The following CCSER1 variants were observed in gnomAD, a reference collection of about 807,000 sequenced individuals.
The protein encoded by CCSER1 is serine-rich coiled-coil domain-containing protein 1.
A neutral mutation model predicts 82.0 loss-of-function variants in CCSER1; 41 were observed. The observed-to-expected ratio is 0.50, with a 90% CI of 0.39 to 0.65. CCSER1 has a LOEUF of 0.65. Ranked by LOEUF, CCSER1 falls within the 30% of genes least tolerant of loss-of-function variation. CCSER1 has a pLI of 0.00. For synonymous variants in CCSER1, 414 were observed against 383.9 expected, an observed-to-expected ratio of 1.08 and a Z score of -0.92; for missense variants, 1,119 against 1,064.2, an observed-to-expected ratio of 1.05 and a Z score of -0.72.
intron 1 of CCSER1, among the ~76,000 whole-genome samples, chr4:90,140,109 T>G (rs560515354): frequency 5.6e-4 from 86 of 152,336 alleles, no homozygotes; most frequent in African/African-American, 2.0e-3. Flanking sequence ...TCATCATTAA[T>G]TGCATTGATT....
intron 1 of CCSER1, among the ~76,000 whole-genome samples, chr4:90,289,037 C>T (rs181249117): frequency 1.6e-4 from 25 of 151,996 alleles, no homozygotes; most frequent in African/African-American, 5.8e-4. Flanking sequence ...CTCCTCTCCT[C>T]CTCTCTCCCT....
At chr4:90,339,986 TAGA>T (rs1178423941) in intron 3 of CCSER1, among the ~76,000 whole-genome samples, 4 of 151,858 alleles carry the variant, frequency 2.6e-5, no homozygotes, top group African/African-American at 9.7e-5. Flanking sequence ...ATTAAGCAAA[TAGA>T]AGAAAGAAAA....
intron 10 of CCSER1, among the ~76,000 whole-genome samples, chr4:91,203,487 A>C (rs1014589764): frequency 1.8e-4 from 27 of 151,522 alleles, no homozygotes; most frequent in African/African-American, 5.8e-4. Context: ...GTTATATTCT[A>C]GAGGAATTAG....
At position 90,837,277 on chromosome 4, in the gene CCSER1, A is replaced by T. The variant is rs954530974; in HGVS notation, c.2094+21432A>T. On this transcript the variant is annotated intron_variant, in intron 8 of 10. Transcript: ENST00000509176. ...TTTTAACAAAGTTAACAAAAAACAAAATATATGGGCACTAAGAGGCACTCT... is the reference window on the plus strand; with the variant it reads ...TTTTAACAAAGTTAACAAAAAACAATATATATGGGCACTAAGAGGCACTCT... Among the ~76,000 whole-genome samples the T allele has an allele frequency of 9.8e-5, 15 of 152,302 alleles. No homozygotes were observed. The South Asian group carries it at 3.1e-3, about 32-fold the overall frequency.
At chr4:91,112,659 G>A (rs1168768628) in intron 10 of CCSER1, 1 of 152,020 alleles carries the variant, frequency 6.6e-6, no homozygotes, top group South Asian at 2.1e-4. Context: ...TTCAATCTCA[G>A]TTTTATTTCT....
At chr4:90,936,157 C>CAG (rs138310148) in intron 9 of CCSER1, among the ~76,000 whole-genome samples, 47,343 of 151,586 alleles carry the variant, frequency 0.31, 7,762 homozygotes, top group Non-Finnish European at 0.35. Flanking sequence ...TTTGTGGAAA[C>CAG]AGAATTTAAT....
At chr4:90,419,857 C>G (rs994016708) in intron 4 of CCSER1, among the ~76,000 whole-genome samples, 3 of 151,882 alleles carry the variant, frequency 2.0e-5, no homozygotes, top group Non-Finnish European at 2.9e-5. Context: ...TCTTCATATG[C>G]TTTAACTATC....
intron 10 of CCSER1, among the ~76,000 whole-genome samples, chr4:91,419,427 C>T (rs1307044311): frequency 6.6e-6 from 1 of 151,836 alleles, no homozygotes; most frequent in East Asian, 1.9e-4. Flanking sequence ...CAATGAGCCA[C>T]CTGAAAAAGA....
chr4:90,938,680 T>C (rs1164312542), intron 9 of CCSER1: 3 of 388,736 alleles, frequency 7.7e-6, no homozygotes, highest in Admixed American at 2.7e-5. Context: ...TTCAAGGCCC[T>C]GTGGAATCCT....
At chr4:90,953,733 T>C (rs866296285) in intron 9 of CCSER1, among the ~76,000 whole-genome samples, 64 of 152,040 alleles carry the variant, frequency 4.2e-4, no homozygotes, top group African/African-American at 1.5e-3. Context: ...GTATAGAGAA[T>C]TTTGTATTGA....
intron 10 of CCSER1, among the ~76,000 whole-genome samples, chr4:91,427,333 G>A (rs1475483735): frequency 2.0e-4 from 30 of 152,090 alleles, no homozygotes; most frequent in Admixed American, 2.0e-3. Flanking sequence ...CTCAAAGTGT[G>A]ATTCATGTAA....
chr4:90,578,607 A>G (rs1334443410), intron 5 of CCSER1, among the ~76,000 whole-genome samples: 1 of 152,172 alleles, frequency 6.6e-6, no homozygotes, highest in Non-Finnish European at 1.5e-5. Context: ...GACCTCTCCA[A>G]TATCCAGAAT....
chr4:90,722,251 A>C (rs1171383363), intron 6 of CCSER1, among the ~76,000 whole-genome samples: 1 of 151,862 alleles, frequency 6.6e-6, no homozygotes, highest in Non-Finnish European at 1.5e-5. Context: ...TAAGCTATGC[A>C]GGCTGTCCAT....
At chr4:90,587,217 C>T (rs1320613495) in intron 5 of CCSER1, among the ~76,000 whole-genome samples, 5 of 152,202 alleles carry the variant, frequency 3.3e-5, no homozygotes, top group Non-Finnish European at 7.3e-5. Context: ...ACCAGTGAGA[C>T]CTCTGTCAGA....
chr4:90,578,862 T>C (rs1331170688), intron 5 of CCSER1, among the ~76,000 whole-genome samples: 2 of 152,162 alleles, frequency 1.3e-5, no homozygotes, highest in African/African-American at 2.4e-5. Context: ...TTGTATCTAC[T>C]TCAGAGGAAC....
chr4:90,610,940 G>A (rs1209245440), intron 5 of CCSER1, among the ~76,000 whole-genome samples: 4 of 151,884 alleles, frequency 2.6e-5, no homozygotes, highest in East Asian at 1.9e-4. Flanking sequence ...GTGCAATAGC[G>A]TGATCTTGGC....
intron 10 of CCSER1, among the ~76,000 whole-genome samples, chr4:91,386,525 AC>A (rs1448112880): frequency 6.6e-6 from 1 of 152,076 alleles, no homozygotes; most frequent in Non-Finnish European, 1.5e-5. Context: ...TCACTTTGCA[AC>A]CACCATAATA....
chr4:90,923,564 C>G, intron 9 of CCSER1, 117 bp downstream of exon 9: 2 of 669,914 alleles, frequency 3.0e-6, no homozygotes, highest in Non-Finnish European at 5.1e-6. Context: ...TAGCGGTGCA[C>G]CATTCATCTT....
chr4:90,161,878 G>T (rs1729519145), intron 1 of CCSER1, among the ~76,000 whole-genome samples: 1 of 151,624 alleles, frequency 6.6e-6, no homozygotes, highest in Admixed American at 6.6e-5. Context: ...GAGCTAAAAG[G>T]TGTTCTTTTT....
Sources: gnomAD v4.1 joint callset for allele counts (sites outside exome capture counted in the v4.1 genomes callset) on GRCh38, gnomAD v4.1.1 for gene constraint, MANE v1.5 for transcripts, NCBI Gene and HGNC (gene_info 2026-07-23, HGNC 2026-07-21) for gene names.